The following OVCH1 variants were observed in gnomAD, a reference collection of about 807,000 sequenced individuals.
OVCH1 encodes ovochymase-1.
OVCH1 carries 139 observed loss-of-function variants against 138.4 expected under a neutral mutation model. That is an observed-to-expected ratio of 1.00 (90% confidence interval 0.87 to 1.16). OVCH1 has a LOEUF of 1.16. Among genes scored for constraint, OVCH1 ranks in the 50% most tolerant of loss-of-function variants. The probability of loss-of-function intolerance (pLI) is 0.00; values close to 1 mark genes in which losing one functional copy is unlikely to be tolerated. For synonymous variants in OVCH1, 453 were observed against 467.8 expected (o/e 0.97, Z 0.41); for missense variants, 1,367 against 1,357.9 (o/e 1.01, Z -0.11).
chr12:29,495,060 G>T (rs1943376406), intron 4 of OVCH1, among the ~76,000 whole-genome samples: 1 of 151,706 alleles, frequency 6.6e-6, no homozygotes, highest in Non-Finnish European at 1.5e-5. Flanking sequence ...TAAATGAAAG[G>T]GAAAAAATGT....
At chr12:29,479,354 C>T (rs1942850300) in intron 8 of OVCH1, among the ~76,000 whole-genome samples, 3 of 152,186 alleles carry the variant, frequency 2.0e-5, no homozygotes, top group Admixed American at 6.5e-5. Context: ...CGTATGCTAA[C>T]CTTAAACAGC....
At chr12:29,472,039 C>CT in intron 15 of OVCH1, 57 bp from the exon 16 acceptor site, 1 of 1,470,986 alleles carries the variant, frequency 6.8e-7, no homozygotes, top group Non-Finnish European at 9.1e-7. Context: ...GAACATACTC[C>CT]TCCAATAGCT....
At chr12:29,487,975 A>G in intron 6 of OVCH1, 93 bp from the exon 7 acceptor site, 2 of 1,272,430 alleles carry the variant, frequency 1.6e-6, no homozygotes, top group South Asian at 3.2e-5. Flanking sequence ...TCACAAAGTG[A>G]AAAGAGGTAG....
intron 24 of OVCH1, 50 bp from the exon 25 acceptor site, chr12:29,443,550 T>C (rs759162723): frequency 6.8e-7 from 1 of 1,472,982 alleles, no homozygotes; most frequent in Non-Finnish European, 9.1e-7. Flanking sequence ...ACAGAATATA[T>C]TGTTAGTTAT....
downstream of OVCH1, among the ~76,000 whole-genome samples, chr12:29,409,999 G>T (rs1276961668): frequency 2.0e-5 from 3 of 152,044 alleles, no homozygotes; most frequent in South Asian, 2.1e-4. Context: ...CTCCTGTATT[G>T]GGTGCGTATA....
At chr12:29,451,449 A>G (rs1290667166) in exon 22 of OVCH1, 4 of 1,613,346 alleles carry the variant, frequency 2.5e-6, no homozygotes, top group Non-Finnish European at 2.5e-6. Flanking sequence ...AAATTTTGCC[A>G]TACTGCTTGC....
chr12:29,459,074 G>A (rs929407888), intron 19 of OVCH1, among the ~76,000 whole-genome samples: 1 of 152,082 alleles, frequency 6.6e-6, no homozygotes, highest in Non-Finnish European at 1.5e-5. Flanking sequence ...ACAGAATAGT[G>A]TGGACATTCC....
intron 27 of OVCH1, among the ~76,000 whole-genome samples, chr12:29,431,670 C>T (rs1941271457): frequency 6.6e-6 from 1 of 152,080 alleles, no homozygotes; most frequent in Non-Finnish European, 1.5e-5. Context: ...CATAATTTCT[C>T]ATAGCGTGTT....
intron 14 of OVCH1, among the ~76,000 whole-genome samples, chr12:29,474,060 A>AACAC (rs1329610894): frequency 1.3e-4 from 15 of 115,304 alleles, no homozygotes; most frequent in Admixed American, 4.7e-4. Context: ...ATACTTAATA[A>AACAC]ACACACACAC....
chr12:29,409,417 T>A (rs1210345632), downstream of OVCH1, among the ~76,000 whole-genome samples: 4 of 152,254 alleles, frequency 2.6e-5, no homozygotes, highest in Admixed American at 6.5e-5. Context: ...CAATTTTGGA[T>A]CTTTCCTGCT....
chr12:29,458,938 T>C (rs966473228), intron 19 of OVCH1, among the ~76,000 whole-genome samples: 13 of 152,100 alleles, frequency 8.5e-5, no homozygotes, highest in Admixed American at 3.9e-4. Context: ...CAATGAGATA[T>C]CATCTCACCC....
At chr12:29,433,733 C>T in intron 27 of OVCH1, 2 of 1,416,964 alleles carry the variant, frequency 1.4e-6, no homozygotes, top group Non-Finnish European at 1.9e-6. Flanking sequence ...TTATGTTAGT[C>T]CCTTATGATA....
chr12:29,489,106 C>T (rs3825237), intron 6 of OVCH1, among the ~76,000 whole-genome samples: 61,519 of 151,952 alleles, frequency 0.4, 12,731 homozygotes, highest in East Asian at 0.55. Context: ...ACAAATTGGT[C>T]TCCTTGTCCT....
At chr12:29,469,110 AC>A (rs1424911448) in intron 16 of OVCH1, among the ~76,000 whole-genome samples, 6 of 152,174 alleles carry the variant, frequency 3.9e-5, no homozygotes, top group Non-Finnish European at 8.8e-5. Context: ...AATGTGGGCT[AC>A]CTTTACTGAC....
intron 8 of OVCH1, among the ~76,000 whole-genome samples, chr12:29,483,290 C>A (rs1017613272): frequency 6.6e-6 from 1 of 152,114 alleles, no homozygotes; most frequent in Non-Finnish European, 1.5e-5. Context: ...TTCTTAAACT[C>A]TTGTTCTAAA....
At chr12:29,413,036 T>C (rs972602586) in intron 3 of OVCH1, among the ~76,000 whole-genome samples, 33 of 152,188 alleles carry the variant, frequency 2.2e-4, no homozygotes, top group African/African-American at 8.0e-4. Flanking sequence ...TTTTTTTTTT[T>C]TTTCTTTTGG....
intron 25 of OVCH1, 32 bp from the exon 26 acceptor site, chr12:29,440,776 T>G (rs1235801530): frequency 2.2e-6 from 1 of 455,738 alleles, no homozygotes; most frequent in Non-Finnish European, 4.4e-6. Flanking sequence ...CTTAATGCAC[T>G]TACTTCTAGG....
At chr12:29,427,456 A>G (rs1371687262), downstream of OVCH1, 61 of 1,409,656 alleles carry the variant, frequency 4.3e-5, no homozygotes, top group Non-Finnish European at 5.7e-5. Context: ...TGTATGATAG[A>G]GGAGGTCTCA....
chr12:29,480,738 G>C (rs1472200235), intron 8 of OVCH1, among the ~76,000 whole-genome samples: 1 of 150,128 alleles, frequency 6.7e-6, no homozygotes, highest in Admixed American at 6.6e-5. Context: ...AGAATACAGA[G>C]AGGCTTGGAG....
Sources: allele counts gnomAD v4.1 joint callset (sites outside exome capture counted in the v4.1 genomes callset), GRCh38; gene constraint gnomAD v4.1.1; transcripts MANE v1.5; gene names NCBI Gene and HGNC (gene_info 2026-07-23, HGNC 2026-07-21).